CASZ1: variants seen among roughly 807,000 people sequenced by gnomAD.
CASZ1 encodes the protein zinc finger protein castor homolog 1.
CASZ1 carries 28 observed loss-of-function variants against 135.2 expected under a neutral mutation model. That is an observed-to-expected ratio of 0.21 (90% CI 0.15 to 0.28). CASZ1 has a LOEUF of 0.28. Ranked by LOEUF, CASZ1 falls within the 10% of genes least tolerant of loss-of-function variation. CASZ1 has a pLI of 1.00. For synonymous variants in CASZ1, 1,068 were observed against 1,073.4 expected, an observed-to-expected ratio of 0.99 and a Z score of 0.10; for missense variants, 2,161 against 2,453.3, an observed-to-expected ratio of 0.88 and a Z score of 2.52.
intron 5 of CASZ1, among the ~76,000 whole-genome samples, chr1:10,662,086 C>A (rs991041196): frequency 5.3e-5 from 8 of 151,840 alleles, no homozygotes; most frequent in African/African-American, 1.9e-4. Flanking sequence ...CTCACACACA[C>A]CCTACACAGT....
Position 10,747,906 on chromosome 1 carries a change from T to A in CASZ1, c.-77+12795A>T, listed in dbSNP as rs1241215678. Among the ~76,000 whole-genome samples, 1 of 150,836 alleles carries A rather than the reference T, an allele frequency of 6.6e-6. No homozygotes were observed. The highest frequency in any genetic ancestry group is 1.5e-5 in the Non-Finnish European group (1 of 67,886). ...ATCTCAGCTCACTGCAAGCTCCGCC[T>A]CCTGGGTTCACGCCATTCTCCTGCC... On this transcript the variant is annotated intron_variant, in intron 2 of 20. Coordinates refer to ENST00000377022, the MANE Select transcript of CASZ1 (RefSeq NM_001079843.3). The surrounding 1 kb of genome is among the most constrained non-coding windows in gnomAD (Gnocchi z 4.3).
At chr1:10,792,347 G>A (rs1220238422) in intron 1 of CASZ1, among the ~76,000 whole-genome samples, 478 of 6,548 alleles carry the variant, frequency 0.073, 99 homozygotes, top group African/African-American at 0.18. Context: ...CCCCGGCCCC[G>A]CACACAAAGT....
chr1:10,755,013 G>T lies in CASZ1; in HGVS notation c.-77+5688C>A, dbSNP rs534147533. Among the ~76,000 whole-genome samples, 6 of 152,328 alleles carry T rather than the reference G, an allele frequency of 3.9e-5. No homozygotes were observed. Among genetic ancestry groups the T allele is most frequent in the Admixed American group, 2.6e-4 (4 of 15,302 alleles). On this transcript the variant is annotated intron_variant, in intron 2 of 20. Transcript: ENST00000377022. The surrounding 1 kb of genome is among the most constrained non-coding windows in gnomAD (Gnocchi z 4.3). ...CATAGCAAGGCCCAGGCTCAGAAAAGCCCCTGCTTCGGAGGAAAGCCAAGG... is the reference window on the plus strand; with the variant it reads ...CATAGCAAGGCCCAGGCTCAGAAAATCCCCTGCTTCGGAGGAAAGCCAAGG...
chr1:10,747,817 C>CTTTT lies in CASZ1; in HGVS notation c.-77+12880_-77+12883dup, dbSNP rs34001765. Among the ~76,000 whole-genome samples the CTTTT allele has an allele frequency of 3.7e-5, 5 of 134,206 alleles. No homozygotes were observed. Among genetic ancestry groups the CTTTT allele is most frequent in the African/African-American group, 1.4e-4 (5 of 34,850 alleles). 88.0% of individuals were successfully genotyped at this position (134,206 alleles called of 152,430 possible). On this transcript the variant is annotated intron_variant, in intron 2 of 20. Transcript: ENST00000377022. The surrounding 1 kb of genome is among the most constrained non-coding windows in gnomAD (Gnocchi z 4.3). ...CAGTACACTGTGCTCACCTGCCTGACTTTTTTTTTTTTTTTTTGAGATGGA... is the reference window on the plus strand; with the variant it reads ...CAGTACACTGTGCTCACCTGCCTGACTTTTTTTTTTTTTTTTTTTTTGAGATGGA...
chr1:10,748,126 G>A (rs1338713079), intron 2 of CASZ1, among the ~76,000 whole-genome samples: 3 of 152,024 alleles, frequency 2.0e-5, no homozygotes, highest in African/African-American at 4.8e-5. Context: ...CCATGTGCTC[G>A]CCTTTCAAAG....
rs1321945610 is a variant in CASZ1, at chr1:10,741,068, T to C, written c.-77+19633A>G. On this transcript the variant is annotated intron_variant, in intron 2 of 20. Transcript: ENST00000377022. This position sits in a 1 kb window ranked among gnomAD's most constrained non-coding sequence, Gnocchi z 5.0. Reference sequence around the variant, plus strand: ...AGAGCAATGGCACAATCTCAGCTCATTGCAACCTCCGTTTCCTGGGTTCAA... The same window carrying C: ...AGAGCAATGGCACAATCTCAGCTCACTGCAACCTCCGTTTCCTGGGTTCAA... Among the ~76,000 whole-genome samples, 1 of 151,250 alleles carries C rather than the reference T, an allele frequency of 6.6e-6. No homozygotes were observed. The highest frequency in any genetic ancestry group is 2.4e-5 in the African/African-American group (1 of 41,182).
intron 2 of CASZ1, among the ~76,000 whole-genome samples, chr1:10,740,796 T>C (rs188653731): frequency 2.0e-5 from 3 of 150,786 alleles, no homozygotes; most frequent in African/African-American, 7.3e-5. Flanking sequence ...ACAAAAAAAA[T>C]TTTTTTTTAA....
Position 10,713,319 on chromosome 1 carries a change from T to A in CASZ1, c.-76-7775A>T, listed in dbSNP as rs186482725. ...TTTATTTATTTTGTTACTTATTTAT[T>A]TAATTTTTTGGGTTCTTTCCACATA... On this transcript the variant is annotated intron_variant, in intron 2 of 20. Transcript: ENST00000377022. 3.3e-5 allele frequency among the ~76,000 whole-genome samples: 5 copies of A among 152,218 alleles called. No individual in the cohort carries two copies. In the East Asian group the frequency reaches 9.6e-4, roughly 29 times the overall value.
intron 3 of CASZ1, among the ~76,000 whole-genome samples, chr1:10,703,677 C>T (rs928097905): frequency 2.0e-5 from 3 of 152,022 alleles, no homozygotes; most frequent in South Asian, 4.2e-4. Flanking sequence ...GGTCAGACTC[C>T]GAGGCCCCCT....
chr1:10,774,099 C>T lies in CASZ1; in HGVS notation c.-233-13242G>A, dbSNP rs1277267684. ...AGAGGCCAGGTGCTCCTGGGGTCCT[C>T]CACCGCCAGGCCCACAAGGGGCACT... is the stretch of plus-strand genomic sequence containing the variant. On this transcript the variant is annotated intron_variant, in intron 1 of 20. Coordinates refer to ENST00000377022, the MANE Select transcript of CASZ1 (RefSeq NM_001079843.3). The surrounding 1 kb of genome is among the most constrained non-coding windows in gnomAD (Gnocchi z 4.4). 6.6e-6 allele frequency among the ~76,000 whole-genome samples: 1 copy of T among 152,160 alleles called. No homozygotes were observed. Among genetic ancestry groups the T allele is most frequent in the African/African-American group, 2.4e-5 (1 of 41,432 alleles).
chr1:10,637,361 C>A lies in CASZ1; in HGVS notation c.*1581G>T. The stretch of plus-strand genomic sequence containing the variant: ...GCTCCGTGCGACCACTCCTCCCTCC[C>A]TGCTCCCTGTCCAGTTCGGGTGGTC... On this transcript the variant is annotated 3_prime_UTR_variant, in exon 21 of 21. Coordinates refer to ENST00000377022, the MANE Select transcript of CASZ1 (RefSeq NM_001079843.3). The A allele has an allele frequency of 6.5e-6, 1 of 152,768 alleles. No individual in the cohort carries two copies. 9.5% of individuals were successfully genotyped at this position (152,768 alleles called of 1,614,324 possible).
intron 1 of CASZ1, among the ~76,000 whole-genome samples, chr1:10,780,390 G>A (rs1324560341): frequency 6.6e-6 from 1 of 152,190 alleles, no homozygotes; most frequent in African/African-American, 2.4e-5. Context: ...CTTCTCCAGT[G>A]CAGTTTCAGG....
intron 4 of CASZ1, among the ~76,000 whole-genome samples, chr1:10,667,667 C>A (rs952377950): frequency 2.0e-5 from 3 of 152,150 alleles, no homozygotes; most frequent in Non-Finnish European, 2.9e-5. Context: ...AGTGGGGGAG[C>A]CTGCACTATT....
At chr1:10,658,464 C>G in intron 7 of CASZ1, 44 bp downstream of exon 7, 5 of 1,540,162 alleles carry the variant, frequency 3.2e-6, no homozygotes, top group Non-Finnish European at 4.5e-6. Context: ...TCAGTCCTGG[C>G]CCCCCACCTT....
In CASZ1 at chr1:10,719,017, ATTG is replaced by A. The variant is rs1242550280; in HGVS notation, c.-76-13476_-76-13474del. On this transcript the variant is annotated intron_variant, in intron 2 of 20. Transcript: ENST00000377022. The surrounding 1 kb of genome is among the most constrained non-coding windows in gnomAD (Gnocchi z 4.0). ...AACCTCTGCTTTCCGGGTTCAAGCA[ATTG>A]TTGTGCCTCAGCCTCCCGAGTAACT... 6.6e-6 allele frequency among the ~76,000 whole-genome samples: 1 copy of A among 152,044 alleles called. No individual in the cohort carries two copies. The highest frequency in any genetic ancestry group is 2.4e-5 in the African/African-American group (1 of 41,376).
Position 10,752,695 on chromosome 1 carries a change from C to T in CASZ1, c.-77+8006G>A, listed in dbSNP as rs148826206. Reference sequence around the variant, plus strand: ...AGTTGCCAGCCCTCCCTGCTTAGGGCTGCCAGAGAAAATACAGTATGCCCA... The same window carrying T: ...AGTTGCCAGCCCTCCCTGCTTAGGGTTGCCAGAGAAAATACAGTATGCCCA... On this transcript the variant is annotated intron_variant, in intron 2 of 20. Coordinates refer to ENST00000377022, the MANE Select transcript of CASZ1 (RefSeq NM_001079843.3). Among the ~76,000 whole-genome samples, 174 of 152,344 alleles carry T rather than the reference C, an allele frequency of 1.1e-3. 2 individuals carry two copies. In the East Asian group the frequency reaches 0.03, roughly 27 times the overall value.
At position 10,757,588 on chromosome 1, in the gene CASZ1, G is replaced by C. The variant is rs1297180629; in HGVS notation, c.-77+3113C>G. Reference sequence around the variant, plus strand: ...GGATCACTTGAGGTTAGGAGTTTGAGACCAGCCTGGCCAACATGGTGAAAC... The same window carrying C: ...GGATCACTTGAGGTTAGGAGTTTGACACCAGCCTGGCCAACATGGTGAAAC... On this transcript the variant is annotated intron_variant, in intron 2 of 20. Transcript: ENST00000377022. This position sits in a 1 kb window ranked among gnomAD's most constrained non-coding sequence, Gnocchi z 4.6. 1.3e-5 allele frequency among the ~76,000 whole-genome samples: 2 copies of C among 152,178 alleles called. No homozygotes were observed. Among genetic ancestry groups the C allele is most frequent in the Admixed American group, 6.5e-5 (1 of 15,282 alleles).
At position 10,648,103 on chromosome 1, in the gene CASZ1, T is replaced by A; in HGVS notation, c.3195A>T (p.Gly1065=). The A allele has an allele frequency of 6.4e-7, 1 of 1,557,698 alleles. No homozygotes were observed. The highest frequency in any genetic ancestry group is 1.2e-5 in the South Asian group (1 of 83,620). The change falls in exon 16 of 21, where the codon GGA becomes GGT. Residue 1065 remains glycine, a synonymous_variant. Coordinates refer to ENST00000377022, the MANE Select transcript of CASZ1 (RefSeq NM_001079843.3). ...HFRTEGGAAK[G]NTEAAFPASA... ...AGGCCGGAAAGGCAGCCTCTGTGTT[T>A]CCTTTTGCTGCTCCTCCCTCTGTCC... is the stretch of plus-strand genomic sequence containing the variant.
chr1:10,709,259 G>T lies in CASZ1; in HGVS notation c.-76-3715C>A, dbSNP rs2100453025. On this transcript the variant is annotated intron_variant, in intron 2 of 20. Transcript: ENST00000377022. This position sits in a 1 kb window ranked among gnomAD's most constrained non-coding sequence, Gnocchi z 5.1. ...CCATGGGGGCTCGGGGCAGCTGTCG[G>T]GCTGCCCATCCGCCCCCGCACTCCA... Among the ~76,000 whole-genome samples, 2 of 152,226 alleles carry T rather than the reference G, an allele frequency of 1.3e-5. No homozygotes were observed. Among genetic ancestry groups the T allele is most frequent in the Admixed American group, 1.3e-4 (2 of 15,300 alleles).
Sources: allele counts gnomAD v4.1 joint callset (sites outside exome capture counted in the v4.1 genomes callset), GRCh38; gene constraint gnomAD v4.1.1; non-coding constraint Gnocchi (gnomAD v3.1); transcripts MANE v1.5; gene names NCBI Gene and HGNC (gene_info 2026-07-23, HGNC 2026-07-21).